The following MDN1 variants were observed in gnomAD, a reference collection of about 807,000 sequenced individuals.
MDN1 encodes midasin AAA ATPase 1.
Under a neutral mutation model 669.2 loss-of-function variants are expected in MDN1, and 266 were observed. The ratio of observed to expected loss-of-function variants is 0.40; its 90% CI spans 0.36 to 0.44. The LOEUF is 0.44. Among genes scored for constraint, MDN1 ranks in the 20% least tolerant of loss-of-function variants. The pLI, the probability that MDN1 is intolerant of heterozygous loss-of-function variation, is 1.00. For synonymous variants in MDN1, 2,385 were observed against 2,457.1 expected, an observed-to-expected ratio of 0.97 and a Z score of 0.87; for missense variants, 5,940 against 6,754.0, an observed-to-expected ratio of 0.88 and a Z score of 4.22.
At position 89,819,423 on chromosome 6, in the gene MDN1, G is replaced by A. The variant is rs539907961; in HGVS notation, c.102+83C>T. The A allele has an allele frequency of 8.5e-6, 11 of 1,290,130 alleles. No homozygotes were observed. In the African/African-American group the frequency reaches 1.0e-4, roughly 12 times the overall value. 79.9% of individuals were successfully genotyped at this position (1,290,130 alleles called of 1,614,324 possible). The stretch of plus-strand genomic sequence containing the variant: ...TGCACCACTCCCCACTTAAAGCGGC[G>A]AGTATCGGCGGGGGAGCGCAGGAAG... On this transcript the variant is annotated intron_variant, in intron 1 of 101. Coordinates refer to ENST00000369393, the MANE Select transcript of MDN1 (RefSeq NM_014611.3).
intron 17 of MDN1, among the ~76,000 whole-genome samples, chr6:89,760,281 G>A (rs945879374): frequency 2.6e-5 from 4 of 152,112 alleles, no homozygotes; most frequent in African/African-American, 7.2e-5. Context: ...AGGGTCACAG[G>A]ACAGCAAACA....
chr6:89,808,460 A>T (rs150667605), intron 1 of MDN1, among the ~76,000 whole-genome samples: 1 of 152,250 alleles, frequency 6.6e-6, no homozygotes, highest in East Asian at 1.9e-4. Context: ...CCAGTATTCA[A>T]CTTGGTCGTT....
At chr6:89,648,180 AT>A in intron 98 of MDN1, 34 bp from the exon 99 acceptor site, 2 of 1,608,258 alleles carry the variant, frequency 1.2e-6, no homozygotes, top group Non-Finnish European at 1.7e-6. Flanking sequence ...AACAGGAGTT[AT>A]TTTTTGGCTG....
chr6:89,652,913 A>C, intron 94 of MDN1, 79 bp downstream of exon 94: 1 of 1,426,874 alleles, frequency 7.0e-7, no homozygotes, highest in South Asian at 1.4e-5. Context: ...CTAAAGACAA[A>C]GATTTAAAAC....
chr6:89,699,140 A>C (rs1272909069), intron 58 of MDN1, 105 bp from the exon 59 acceptor site: 8 of 1,096,364 alleles, frequency 7.3e-6, no homozygotes, highest in Non-Finnish European at 1.0e-5. Context: ...ATAAGTTTAA[A>C]GGTATTAATC....
rs115492868 is a variant in MDN1 at position 89,743,581 on chromosome 6, C to T, written c.4312G>A (p.Asp1438Asn). 1.4e-5 allele frequency: 22 copies of T among 1,613,502 alleles called. No homozygotes were observed. The East Asian group carries it at 3.6e-4, about 26-fold the overall frequency. ...ACACTTGCTGCTGGACAAACCTTGT[C>T]GTTTGGCTTTTGTCTCACTGGCCGC... ...GLRPVRQKPN[D>N]KEEIDTSRLF... The change falls in exon 30 of 102, where the codon GAC (aspartate) becomes AAC (asparagine). Residue 1438 changes from aspartate to asparagine, a missense_variant. Asp to Asn is a conservative substitution (Grantham distance 23). Coordinates refer to ENST00000369393, the MANE Select transcript of MDN1 (RefSeq NM_014611.3).
At chr6:89,693,635 G>C (rs977060698) in intron 62 of MDN1, among the ~76,000 whole-genome samples, 2 of 151,912 alleles carry the variant, frequency 1.3e-5, no homozygotes, top group Admixed American at 6.6e-5. Flanking sequence ...CTGGATTCCA[G>C]ATTTTCAGAT....
At chr6:89,747,609 T>C (rs1816704491) in intron 26 of MDN1, 139 bp from the exon 27 acceptor site, 32 of 1,033,888 alleles carry the variant, frequency 3.1e-5, no homozygotes, top group Non-Finnish European at 4.1e-5. Flanking sequence ...ATTAATTTTT[T>C]GGCCGGGCGT....
chr6:89,646,149 A>G (rs1047704779), intron 100 of MDN1, among the ~76,000 whole-genome samples: 1 of 152,154 alleles, frequency 6.6e-6, no homozygotes, highest in Non-Finnish European at 1.5e-5. Context: ...CAAATGCTGA[A>G]TTTTCAATCC....
rs938481921 is a variant in MDN1, at chr6:89,698,925, G to A, written c.9108C>T (p.Asn3036=). The A allele has an allele frequency of 9.3e-6, 15 of 1,614,084 alleles. No homozygotes were observed. The highest frequency in any genetic ancestry group is 1.2e-5 in the Non-Finnish European group (14 of 1,179,996). Residue 3036 remains asparagine (N), a synonymous_variant, in exon 59 of 102, where the codon AAC becomes AAT. Transcript: ENST00000369393. ...CCCTCTGCTGCATACCAGGCAAAGGGTTCCACATTAGCCAGTACTCTGGAT... is the reference window on the plus strand; with the variant it reads ...CCCTCTGCTGCATACCAGGCAAAGGATTCCACATTAGCCAGTACTCTGGAT... The part of the protein sequence containing the change: ...TTNPEYWLMW[N]PLPGMQQREA...
Position 89,707,463 on chromosome 6 carries a change from G to A in MDN1, c.7912C>T (p.Leu2638Phe), listed in dbSNP as rs772052977. 1 of 1,609,120 alleles carries A rather than the reference G, an allele frequency of 6.2e-7. No homozygotes were observed. Among genetic ancestry groups the A allele is most frequent in the Admixed American group, 1.7e-5 (1 of 60,006 alleles). ...GTAAAAACCCGTTTTTCCCGGTCAA[G>A]ATATATGATTGTCCTGGAATGAGAT... is the stretch of plus-strand genomic sequence containing the variant. The part of the protein sequence containing the change: ...ESAANKTIIY[L>F]DREKRVFTEA... The change falls in exon 52 of 102, where the codon CTT (leucine) becomes TTT (phenylalanine). Residue 2638 changes from leucine to phenylalanine, a missense_variant. Physicochemically the swap from Leu to Phe is conservative, Grantham distance 22. This residue lies in a region of MDN1 where 2,292 missense variants were observed against 2,638.3 expected (regional missense o/e 0.87). Coordinates refer to ENST00000369393, the MANE Select transcript of MDN1 (RefSeq NM_014611.3).
rs779322085 is a variant in MDN1 at position 89,784,994 on chromosome 6, T to A, written c.1449+18A>T. 1.9e-6 allele frequency: 3 copies of A among 1,548,458 alleles called. No homozygotes were observed. In the Admixed American group the frequency reaches 5.0e-5, roughly 26 times the overall value. On this transcript the variant is annotated intron_variant, in intron 9 of 101. Coordinates refer to ENST00000369393, the MANE Select transcript of MDN1 (RefSeq NM_014611.3). ...CACTGCACCTGGCCAGCATTGATAC[T>A]TTCCAAGACCCACGTACCTCATTCA...
Position 89,700,839 on chromosome 6 carries a change from C to T in MDN1, c.8445G>A (p.Glu2815=). The T allele has an allele frequency of 1.2e-6, 2 of 1,614,100 alleles. No homozygotes were observed. Among genetic ancestry groups the T allele is most frequent in the Non-Finnish European group, 1.7e-6 (2 of 1,179,992 alleles). Residue 2815 remains glutamate, a synonymous_variant, in exon 56 of 102, where the codon GAG becomes GAA. Coordinates refer to ENST00000369393, the MANE Select transcript of MDN1 (RefSeq NM_014611.3). ...PFPFKDKLVV[E]CFSQLKVLNK... ...TAAGGACCTTCAGTTGTGAAAAACA[C>T]TCCACCACCAGCTTGTCCTGAAACA...
intron 25 of MDN1, 24 bp from the exon 26 acceptor site, chr6:89,749,393 C>A (rs775786415): frequency 6.8e-6 from 11 of 1,608,750 alleles, no homozygotes; most frequent in African/African-American, 1.3e-5. Context: ...AGGAAGAATG[C>A]AGTAAAAGGT....
chr6:89,803,443 A>C lies in MDN1; in HGVS notation c.214T>G (p.Leu72Val). 2 of 1,614,166 alleles carry C rather than the reference A, an allele frequency of 1.2e-6. No individual in the cohort carries two copies. The highest frequency in any genetic ancestry group is 1.7e-6 in the Non-Finnish European group (2 of 1,180,014). ...ATGGCTTCGGCATTCCTTTCCAGCAAATCCAAAAGGAGAGGGCGAAGCTGG... is the reference window on the plus strand; with the variant it reads ...ATGGCTTCGGCATTCCTTTCCAGCACATCCAAAAGGAGAGGGCGAAGCTGG... ...GRQLRPLLLD[L>V]LERNAEAIKA... Residue 72 changes from leucine to valine, a missense_variant, in exon 2 of 102, where the codon TTG (leucine) becomes GTG (valine). Leu to Val is a conservative substitution (Grantham distance 32). Around this residue, in one of 5 missense-constraint regions of MDN1, gnomAD observed 1,203 missense variants for 1,268.9 expected, o/e 0.95. Coordinates refer to ENST00000369393, the MANE Select transcript of MDN1 (RefSeq NM_014611.3).
At chr6:89,746,276 T>C (rs1336945225) in intron 27 of MDN1, among the ~76,000 whole-genome samples, 6 of 152,190 alleles carry the variant, frequency 3.9e-5, no homozygotes, top group East Asian at 1.9e-4. Context: ...AATGCTTTAC[T>C]GTTTGTTACA....
In MDN1 at chr6:89,712,020, A is replaced by T; in HGVS notation, c.7651+16T>A. 1 of 1,596,444 alleles carries T rather than the reference A, an allele frequency of 6.3e-7. No homozygotes were observed. Among genetic ancestry groups the T allele is most frequent in the Non-Finnish European group, 8.6e-7 (1 of 1,166,518 alleles). On this transcript the variant is annotated intron_variant, in intron 49 of 101. Coordinates refer to ENST00000369393, the MANE Select transcript of MDN1 (RefSeq NM_014611.3). ...TATAAATCACATCAGTGGACAAATT[A>T]AGCTGTTCTACTCACCAAGCCCCTG... is the stretch of plus-strand genomic sequence containing the variant.
intron 35 of MDN1, among the ~76,000 whole-genome samples, chr6:89,729,677 G>T (rs1013510683): frequency 6.7e-4 from 67 of 100,654 alleles, no homozygotes; most frequent in Middle Eastern, 6.8e-3. Flanking sequence ...TTTTGTTTTC[G>T]TTTTTTTTTT....
At chr6:89,736,606 C>T (rs545056864) in intron 33 of MDN1, among the ~76,000 whole-genome samples, 25 of 138,128 alleles carry the variant, frequency 1.8e-4, no homozygotes, top group African/African-American at 6.1e-4. Flanking sequence ...GCCTGAGCAA[C>T]ATGGTGAAAC....
Sources: gnomAD v4.1 joint callset for allele counts (sites outside exome capture counted in the v4.1 genomes callset) on GRCh38, gnomAD v4.1.1 for gene constraint, gnomAD v4.1.1 regional missense constraint, MANE v1.5 for transcripts, NCBI Gene and HGNC (gene_info 2026-07-23, HGNC 2026-07-21) for gene names.